ENAH: variants seen among roughly 807,000 people sequenced by gnomAD.
ENAH encodes ENAH actin regulator, also known as protein enabled homolog.
A neutral mutation model predicts 78.7 loss-of-function variants in ENAH; 23 were observed. That is an observed-to-expected ratio of 0.29 (90% CI 0.21 to 0.41). ENAH has a LOEUF of 0.41. Among genes scored for constraint, ENAH ranks in the 10% least tolerant of loss-of-function variants. The probability of loss-of-function intolerance (pLI) is 1.00; values close to 1 mark genes in which losing one functional copy is unlikely to be tolerated. For synonymous variants in ENAH, 226 were observed against 241.0 expected, an observed-to-expected ratio of 0.94 and a Z score of 0.58; for missense variants, 544 against 691.0, an observed-to-expected ratio of 0.79 and a Z score of 2.39.
At chr1:225,592,811 T>C (rs1350557273) in intron 1 of ENAH, among the ~76,000 whole-genome samples, 1 of 122,460 alleles carries the variant, frequency 8.2e-6, no homozygotes, top group Non-Finnish European at 1.7e-5. Context: ...AGACCAGATA[T>C]TTATAGTTTG....
In ENAH at chr1:225,513,010, C is replaced by T. The variant is rs151173302; in HGVS notation, c.1225G>A (p.Asp409Asn). 1 of 1,611,754 alleles carries T rather than the reference C, an allele frequency of 6.2e-7. No homozygotes were observed. The highest frequency in any genetic ancestry group is 1.3e-5 in the African/African-American group (1 of 74,810). ...TTCCCTCCACTTGGGAAAGAGGTATCCTCCATCTTAATGAGAATATACAGA... is the reference window on the plus strand; with the variant it reads ...TTCCCTCCACTTGGGAAAGAGGTATTCTCCATCTTAATGAGAATATACAGA... ...AKLRKVSRME[D>N]TSFPSGGNAI... The change falls in exon 8 of 14, where the codon GAT becomes AAT. Residue 409 changes from aspartate (D) to asparagine (N), a missense_variant. This residue lies in a region of ENAH where 366 missense variants were observed against 396.1 expected (regional missense o/e 0.92). Transcript: ENST00000366843.
rs983185565 is a variant in ENAH at position 225,496,890 on chromosome 1, T to A, written c.*885A>T. On this transcript the variant is annotated 3_prime_UTR_variant, in exon 14 of 14. Coordinates refer to ENST00000366843, the MANE Select transcript of ENAH (RefSeq NM_018212.6). ...TACATATTAGTGTGACATGCATTAC[T>A]GTCTGCAATTAAAAAAGCTAACCTT... 1.3e-5 allele frequency: 2 copies of A among 152,658 alleles called. No individual in the cohort carries two copies. Among genetic ancestry groups the A allele is most frequent in the African/African-American group, 4.8e-5 (2 of 41,466 alleles). The allele number at this position is 152,658 out of a possible 1,614,324, so 9.5% of individuals were successfully genotyped here.
intron 1 of ENAH, among the ~76,000 whole-genome samples, chr1:225,603,730 T>C (rs1241719180): frequency 6.6e-6 from 1 of 152,156 alleles, no homozygotes; most frequent in Non-Finnish European, 1.5e-5. Flanking sequence ...AAAAGTACAT[T>C]AAGAAAAACA....
chr1:225,553,697 G>A (rs2096652629), intron 3 of ENAH, among the ~76,000 whole-genome samples: 3 of 152,128 alleles, frequency 2.0e-5, no homozygotes, highest in Admixed American at 2.0e-4. Flanking sequence ...GAGAAGTACA[G>A]AGACTTAGAG....
rs1062859 is a variant in ENAH at position 225,495,760 on chromosome 1, A to G, written c.*2015T>C. ...TGAAAATGCCTCCTATTTCTTTTAG[A>G]AAATAATACTTAATAAGCTTGCTGC... is the stretch of plus-strand genomic sequence containing the variant. On this transcript the variant is annotated 3_prime_UTR_variant, in exon 14 of 14. Coordinates refer to ENST00000366843, the MANE Select transcript of ENAH (RefSeq NM_018212.6). 70 of 152,704 alleles carry G rather than the reference A, an allele frequency of 4.6e-4. No homozygotes were observed. Among genetic ancestry groups the G allele is most frequent in the Non-Finnish European group, 7.8e-4 (53 of 68,002 alleles). The allele number at this position is 152,704 out of a possible 1,614,324, so 9.5% of individuals were successfully genotyped here.
intron 1 of ENAH, among the ~76,000 whole-genome samples, chr1:225,599,358 T>C (rs2096918431): frequency 6.6e-6 from 1 of 152,150 alleles, no homozygotes; most frequent in Non-Finnish European, 1.5e-5. Context: ...TAAGAAAATC[T>C]GGGTATGGAA....
At chr1:225,591,189 C>A (rs2096873708) in intron 1 of ENAH, among the ~76,000 whole-genome samples, 1 of 152,186 alleles carries the variant, frequency 6.6e-6, no homozygotes, top group African/African-American at 2.4e-5. Context: ...AAGCTTCAGG[C>A]CAGGCGCGGT....
At chr1:225,547,563 C>T (rs1219324626) in intron 3 of ENAH, among the ~76,000 whole-genome samples, 1 of 152,210 alleles carries the variant, frequency 6.6e-6, no homozygotes, top group Admixed American at 6.5e-5. Context: ...CCTCCAGTAG[C>T]TCCCTTTTCA....
chr1:225,578,134 A>C (rs939474927), intron 1 of ENAH, among the ~76,000 whole-genome samples: 1 of 152,190 alleles, frequency 6.6e-6, no homozygotes, highest in African/African-American at 2.4e-5. Context: ...AAACTTGTAA[A>C]ACTTACAAAA....
chr1:225,547,256 G>A (rs2096619511), intron 3 of ENAH, among the ~76,000 whole-genome samples: 1 of 151,980 alleles, frequency 6.6e-6, no homozygotes, highest in Admixed American at 6.6e-5. Context: ...ATTTTTAGTA[G>A]AGATGGGGTT....
Position 225,504,598 on chromosome 1 carries a change from A to T in ENAH, c.1538+3353T>A, listed in dbSNP as rs554826476. ...ACTACAAAGTATCTAGGAAACAGAG[A>T]TTTTCCTCAAATAATCAATTATCCA... On this transcript the variant is annotated intron_variant, in intron 11 of 13. Transcript: ENST00000366843. 5.9e-5 allele frequency among the ~76,000 whole-genome samples: 9 copies of T among 152,302 alleles called. No individual in the cohort carries two copies. The South Asian group carries it at 1.7e-3, about 28-fold the overall frequency.
At position 225,643,757 on chromosome 1, in the gene ENAH, G is replaced by A. The variant is rs546689186; in HGVS notation, c.5+8929C>T. 2.0e-4 allele frequency among the ~76,000 whole-genome samples: 31 copies of A among 152,116 alleles called. No homozygotes were observed. In the South Asian group the frequency reaches 4.4e-3, roughly 21 times the overall value. On this transcript the variant is annotated intron_variant, in intron 1 of 13. Transcript: ENST00000366843. ...TCAAGACCAGCCTGGGCAACATAGC[G>A]AGACCTTGTCTCTGCACAAAAATCT...
chr1:225,647,320 AAT>A (rs1349880541), intron 1 of ENAH, among the ~76,000 whole-genome samples: 1 of 152,248 alleles, frequency 6.6e-6, no homozygotes, highest in East Asian at 1.9e-4. Context: ...GTTACTTGAA[AAT>A]ATTTACAAGT....
intron 3 of ENAH, among the ~76,000 whole-genome samples, chr1:225,534,630 C>G (rs948666668): frequency 5.9e-5 from 9 of 152,092 alleles, no homozygotes; most frequent in African/African-American, 2.2e-4. Flanking sequence ...CATTTAATAA[C>G]TTTATCTCTC....
chr1:225,587,522 C>G (rs1447202021), intron 1 of ENAH, among the ~76,000 whole-genome samples: 1 of 152,084 alleles, frequency 6.6e-6, no homozygotes, highest in Non-Finnish European at 1.5e-5. Context: ...AAAACTTAAA[C>G]ATATACAATG....
At chr1:225,498,602 T>G (rs1264170138) in intron 12 of ENAH, among the ~76,000 whole-genome samples, 198 bp from the exon 13 acceptor site, 1 of 152,232 alleles carries the variant, frequency 6.6e-6, no homozygotes, top group Non-Finnish European at 1.5e-5. Flanking sequence ...TGGCTTATTC[T>G]AGCCTAGCAA....
At chr1:225,582,803 A>G (rs1275888918) in intron 1 of ENAH, among the ~76,000 whole-genome samples, 1 of 152,248 alleles carries the variant, frequency 6.6e-6, no homozygotes, top group Non-Finnish European at 1.5e-5. Flanking sequence ...TCTGTGGGAC[A>G]GTATCATTGG....
intron 1 of ENAH, chr1:225,580,087 C>T (rs1360245096): frequency 6.6e-6 from 1 of 151,522 alleles, no homozygotes; most frequent in African/African-American, 2.4e-5. Context: ...TCTTCTTCCC[C>T]ACACCCTCAA....
chr1:225,522,425 GTTAT>G (rs2096476622), intron 4 of ENAH, among the ~76,000 whole-genome samples: 1 of 152,082 alleles, frequency 6.6e-6, no homozygotes, highest in African/African-American at 2.4e-5. Flanking sequence ...TTTATGAGTA[GTTAT>G]TTATTTATGA....
Sources: gnomAD v4.1 joint callset for allele counts (sites outside exome capture counted in the v4.1 genomes callset) on GRCh38, gnomAD v4.1.1 for gene constraint, gnomAD v4.1.1 regional missense constraint, MANE v1.5 for transcripts, NCBI Gene and HGNC (gene_info 2026-07-23, HGNC 2026-07-21) for gene names.